Variants in MARK1 observed in about 807,000 individuals in gnomAD.
MARK1 encodes the protein microtubule affinity regulating kinase 1.
MARK1 carries 40 observed loss-of-function variants against 96.3 expected under a neutral mutation model. The observed-to-expected ratio is 0.42, with a 90% CI of 0.32 to 0.54. The LOEUF (loss-of-function observed/expected upper bound fraction) is 0.54, where lower values mean the gene tolerates loss of function less well. MARK1 is among the 20% of genes least tolerant of loss of function. MARK1 has a pLI of 0.16. For synonymous variants in MARK1, 317 were observed against 341.2 expected, an observed-to-expected ratio of 0.93 and a Z score of 0.78; for missense variants, 719 against 984.6, an observed-to-expected ratio of 0.73 and a Z score of 3.61.
Position 220,618,484 on chromosome 1 carries a change from C to G in MARK1, c.727C>G (p.Leu243Val), listed in dbSNP as rs1220147102. 1.2e-6 allele frequency: 2 copies of G among 1,614,008 alleles called. No individual in the cohort carries two copies. The highest frequency in any genetic ancestry group is 2.7e-5 in the African/African-American group (2 of 74,904). The change falls in exon 8 of 18, where the codon CTG becomes GTG. Residue 243 changes from leucine (L) to valine (V), a missense_variant. This residue lies in a region of MARK1 where 96 missense variants were observed against 213.1 expected (regional missense o/e 0.45). Transcript: ENST00000366917. The surrounding 1 kb of genome is among the most constrained non-coding windows in gnomAD (Gnocchi z 4.6). ...TGGGCCTGAAGTGGATGTGTGGAGT[C>G]TGGGCGTCATTCTCTATACATTAGT... Reference protein sequence around the residue: ...YDGPEVDVWSLGVILYTLVSG... With the variant: ...YDGPEVDVWSVGVILYTLVSG...
At chr1:220,575,687 A>G (rs554467768) in intron 1 of MARK1, among the ~76,000 whole-genome samples, 12 of 152,086 alleles carry the variant, frequency 7.9e-5, no homozygotes, top group African/African-American at 2.9e-4. Flanking sequence ...GTGTATTCTG[A>G]TTTTTTATTT....
At chr1:220,559,613 G>A (rs926497837) in intron 1 of MARK1, among the ~76,000 whole-genome samples, 1 of 152,214 alleles carries the variant, frequency 6.6e-6, no homozygotes, top group Admixed American at 6.5e-5. Context: ...ATTCAGGTAA[G>A]TGAGACTAAG....
chr1:220,605,216 A>G (rs142004104), intron 6 of MARK1, among the ~76,000 whole-genome samples: 1 of 152,314 alleles, frequency 6.6e-6, no homozygotes, highest in East Asian at 1.9e-4. Context: ...TCTGTTATTA[A>G]TGTTTCACAG....
At chr1:220,617,634 C>G (rs1329884353) in intron 7 of MARK1, among the ~76,000 whole-genome samples, 1 of 152,058 alleles carries the variant, frequency 6.6e-6, no homozygotes, top group Non-Finnish European at 1.5e-5. Flanking sequence ...TTTGGAAAAC[C>G]ATCTCAAAAC....
intron 1 of MARK1, among the ~76,000 whole-genome samples, chr1:220,536,139 C>G (rs1660664402): frequency 6.6e-6 from 1 of 152,110 alleles, no homozygotes; most frequent in South Asian, 2.1e-4. Context: ...TTTATTATTT[C>G]TAGCAGTTCT....
rs766473992 is a variant in MARK1, at chr1:220,528,648, C to T, written c.-175C>T. 11 of 523,496 alleles carry T rather than the reference C, an allele frequency of 2.1e-5. No individual in the cohort carries two copies. Among genetic ancestry groups the T allele is most frequent in the Non-Finnish European group, 3.0e-5 (9 of 300,048 alleles). 32.4% of individuals were successfully genotyped at this position (523,496 alleles called of 1,614,324 possible). On this transcript the variant is annotated 5_prime_UTR_variant, in exon 1 of 18. Transcript: ENST00000366917. ...GAAGCGGCTCCCCCTCCTCTTCCTC[C>T]GCGTCCTCTTCCCTCTTTCCCCCGC... is the stretch of plus-strand genomic sequence containing the variant.
chr1:220,616,433 G>T (rs552766351), intron 7 of MARK1, among the ~76,000 whole-genome samples: 2 of 152,266 alleles, frequency 1.3e-5, no homozygotes, highest in South Asian at 4.1e-4. Flanking sequence ...TAGTACAAAT[G>T]AGCATACTTT....
intron 14 of MARK1, among the ~76,000 whole-genome samples, chr1:220,651,597 G>A (rs1251045944): frequency 6.6e-6 from 1 of 152,130 alleles, no homozygotes; most frequent in African/African-American, 2.4e-5. Context: ...AATTCTGATT[G>A]TATGAATAAT....
At chr1:220,550,404 G>GTGA in intron 1 of MARK1, among the ~76,000 whole-genome samples, 1 of 152,262 alleles carries the variant, frequency 6.6e-6, no homozygotes, top group African/African-American at 2.4e-5. Context: ...CTAAGCTCGA[G>GTGA]TGCAGTGATG....
chr1:220,611,365 G>A (rs563141907), intron 6 of MARK1, among the ~76,000 whole-genome samples: 15 of 152,180 alleles, frequency 9.9e-5, no homozygotes, highest in Non-Finnish European at 1.5e-4. Context: ...CTCCGTGGGC[G>A]TAGGACCCGC....
intron 17 of MARK1, among the ~76,000 whole-genome samples, chr1:220,659,994 G>A (rs1189236286): frequency 6.6e-6 from 1 of 152,174 alleles, no homozygotes; most frequent in African/African-American, 2.4e-5. Flanking sequence ...CACCATGGTG[G>A]CCAGGCTGGT....
At chr1:220,586,011 A>ACACACGCGCGCG (rs112968910) in intron 3 of MARK1, among the ~76,000 whole-genome samples, 4 of 148,636 alleles carry the variant, frequency 2.7e-5, no homozygotes, top group Admixed American at 6.6e-5. Context: ...ACACACACAC[A>ACACACGCGCGCG]CGCGCGCGTG....
intron 13 of MARK1, among the ~76,000 whole-genome samples, chr1:220,649,666 A>G (rs570970674): frequency 1.3e-5 from 2 of 152,310 alleles, no homozygotes; most frequent in Admixed American, 1.3e-4. Flanking sequence ...CTACTGAAAA[A>G]TTTTAAATCT....
rs1266455139 is a variant in MARK1 at position 220,657,812 on chromosome 1, A to G, written c.2011A>G (p.Ser671Gly). The G allele has an allele frequency of 1.3e-6, 2 of 1,576,500 alleles. No homozygotes were observed. The highest frequency in any genetic ancestry group is 1.7e-6 in the Non-Finnish European group (2 of 1,166,326). The change falls in exon 17 of 18, where the codon AGT (serine) becomes GGT (glycine). Residue 671 changes from serine (S) to glycine (G), a missense_variant. By Grantham distance (56) the Ser-to-Gly change is moderately conservative (BLOSUM62 0). This residue lies in a region of MARK1 where 501 missense variants were observed against 588.3 expected (regional missense o/e 0.85). Coordinates refer to ENST00000366917, the MANE Select transcript of MARK1 (RefSeq NM_018650.5). ...GAGGGATCCAAGTGAAGGCGAAGCCAGTGGCAGAACCGACACCTCAAGGTG... is the reference window on the plus strand; with the variant it reads ...GAGGGATCCAAGTGAAGGCGAAGCCGGTGGCAGAACCGACACCTCAAGGTG... ...VRRDPSEGEA[S>G]GRTDTSRSTS...
At chr1:220,584,143 A>G (rs1370874873) in intron 3 of MARK1, among the ~76,000 whole-genome samples, 1 of 152,218 alleles carries the variant, frequency 6.6e-6, no homozygotes, top group African/African-American at 2.4e-5. Flanking sequence ...AGTCTGTCTC[A>G]GCTTACAGTC....
chr1:220,564,329 T>C (rs1662893846), intron 1 of MARK1, among the ~76,000 whole-genome samples: 1 of 152,212 alleles, frequency 6.6e-6, no homozygotes, highest in African/African-American at 2.4e-5. Flanking sequence ...TGTATGTATT[T>C]GGATGTTTAA....
rs897293548 is a variant in MARK1, at chr1:220,613,250, A to T, written c.496-2689A>T. Among the ~76,000 whole-genome samples, 3 of 152,296 alleles carry T rather than the reference A, an allele frequency of 2.0e-5. No homozygotes were observed. In the East Asian group the frequency reaches 5.8e-4, roughly 29 times the overall value. On this transcript the variant is annotated intron_variant, in intron 6 of 17. Coordinates refer to ENST00000366917, the MANE Select transcript of MARK1 (RefSeq NM_018650.5). ...AAGGCAGAACTTCTTTCATGGCAGA[A>T]ATTGTTCCCTGCTAAGCAAATGTGG...
chr1:220,604,012 T>G, intron 5 of MARK1, 55 bp from the exon 6 acceptor site: 1 of 1,177,982 alleles, frequency 8.5e-7, no homozygotes, highest in Non-Finnish European at 1.2e-6. Context: ...ATTGCATATA[T>G]TGTTAACCAA....
chr1:220,615,244 C>T (rs1166531375), intron 6 of MARK1, among the ~76,000 whole-genome samples: 1 of 152,000 alleles, frequency 6.6e-6, no homozygotes, highest in African/African-American at 2.4e-5. Flanking sequence ...TCCTTTTCTC[C>T]AAAGAGCCCT....
Sources: gnomAD v4.1 joint callset for allele counts (sites outside exome capture counted in the v4.1 genomes callset) on GRCh38, gnomAD v4.1.1 for gene constraint, gnomAD v4.1.1 regional missense constraint, Gnocchi (gnomAD v3.1) non-coding constraint, MANE v1.5 for transcripts, NCBI Gene and HGNC (gene_info 2026-07-23, HGNC 2026-07-21) for gene names.